ZFAT: variants seen among roughly 807,000 people sequenced by gnomAD.
ZFAT encodes zinc finger protein ZFAT.
A neutral mutation model predicts 117.7 loss-of-function variants in ZFAT; 64 were observed. That is an observed-to-expected ratio of 0.54 (90% CI 0.44 to 0.67). The LOEUF (loss-of-function observed/expected upper bound fraction) is 0.67. Ranked by LOEUF, ZFAT falls within the 30% of genes least tolerant of loss-of-function variation. ZFAT has a pLI of 0.00. For synonymous variants in ZFAT, 679 were observed against 615.0 expected (o/e 1.10, Z -1.54); for missense variants, 1,433 against 1,584.5 (o/e 0.90, Z 1.62).
At chr8:134,479,624 A>G (rs1428541400) in intron 15 of ZFAT, among the ~76,000 whole-genome samples, 1 of 152,238 alleles carries the variant, frequency 6.6e-6, no homozygotes, top group African/African-American at 2.4e-5. Flanking sequence ...GGGGCCTGGA[A>G]TTATCTAGCT....
chr8:134,716,180 CACAT>C (rs1307816362), upstream of ZFAT, among the ~76,000 whole-genome samples: 2 of 137,424 alleles, frequency 1.5e-5, no homozygotes, highest in African/African-American at 5.1e-5. Flanking sequence ...CACACACACA[CACAT>C]ATATATATAT....
At chr8:134,648,971 T>C (rs951731432) in intron 2 of ZFAT, among the ~76,000 whole-genome samples, 1 of 152,040 alleles carries the variant, frequency 6.6e-6, no homozygotes, top group Non-Finnish European at 1.5e-5. Flanking sequence ...TGATGCATCC[T>C]GGCATGTAAA....
At position 134,637,487 on chromosome 8, in the gene ZFAT, T is replaced by C. The variant is rs1377167138; in HGVS notation, c.422A>G (p.Asn141Ser). Residue 141 changes from asparagine (N) to serine (S), a missense_variant, in exon 3 of 16, where the codon AAT becomes AGT. By Grantham distance (46) the Asn-to-Ser change is conservative. Coordinates refer to ENST00000377838, the MANE Select transcript of ZFAT (RefSeq NM_020863.4). ...LRKHICIIVLNLGEEEGEAGN... is the reference protein window; with the variant it reads ...LRKHICIIVLSLGEEEGEAGN... ...TGCTTCTCCTTCCTCCTCACCCAAATTCAGCACGATAATGCAGATGTGCTT... is the reference window on the plus strand; with the variant it reads ...TGCTTCTCCTTCCTCCTCACCCAAACTCAGCACGATAATGCAGATGTGCTT... 5 of 1,611,086 alleles carry C rather than the reference T, an allele frequency of 3.1e-6. No homozygotes were observed. The highest frequency in any genetic ancestry group is 4.2e-6 in the Non-Finnish European group (5 of 1,177,312).
intron 8 of ZFAT, 145 bp downstream of exon 8, chr8:134,590,123 G>T: frequency 1.7e-6 from 1 of 605,568 alleles, no homozygotes; most frequent in Non-Finnish European, 2.8e-6. Context: ...TCCCAGCGTC[G>T]AATAAAGATG....
chr8:134,494,646 T>C (rs1470265248), intron 15 of ZFAT, among the ~76,000 whole-genome samples: 1 of 152,210 alleles, frequency 6.6e-6, no homozygotes, highest in Non-Finnish European at 1.5e-5. Flanking sequence ...ACCCAGGTCG[T>C]ATTCCTCCCT....
intron 15 of ZFAT, among the ~76,000 whole-genome samples, chr8:134,488,154 T>G (rs372275601): frequency 6.6e-6 from 1 of 152,226 alleles, no homozygotes; most frequent in African/African-American, 2.4e-5. Flanking sequence ...AGGAGGCACC[T>G]CACGGCCCAG....
At chr8:134,638,424 G>A (rs1830361370) in intron 2 of ZFAT, among the ~76,000 whole-genome samples, 1 of 151,976 alleles carries the variant, frequency 6.6e-6, no homozygotes, top group African/African-American at 2.4e-5. Context: ...GGTGAGCGGG[G>A]GCCAGGCGCG....
intron 7 of ZFAT, chr8:134,599,696 CATA>C: frequency 6.9e-6 from 3 of 437,176 alleles, no homozygotes; most frequent in South Asian, 5.0e-5. Flanking sequence ...CTGTCTGTAG[CATA>C]AAAAGGCATT....
intron 10 of ZFAT, among the ~76,000 whole-genome samples, chr8:134,582,833 T>C (rs1263554662): frequency 6.6e-6 from 1 of 152,204 alleles, no homozygotes; most frequent in Admixed American, 6.5e-5. Flanking sequence ...AGCTATATCA[T>C]CCACTAAATT....
At chr8:134,576,068 AG>A (rs901628378) in intron 10 of ZFAT, among the ~76,000 whole-genome samples, 1 of 152,238 alleles carries the variant, frequency 6.6e-6, no homozygotes, top group African/African-American at 2.4e-5. Flanking sequence ...AGCCACATAA[AG>A]GACAGAGCAC....
the ZFAT span, among the ~76,000 whole-genome samples, chr8:134,720,935 G>A: frequency 2.0e-5 from 3 of 152,232 alleles, no homozygotes; most frequent in Non-Finnish European, 2.9e-5. Flanking sequence ...GTAGGGTCGG[G>A]AGGGCATGAA....
At chr8:134,818,432 G>C in the ZFAT span, among the ~76,000 whole-genome samples, 1 of 152,140 alleles carries the variant, frequency 6.6e-6, no homozygotes, top group East Asian at 1.9e-4. Context: ...TCACTAATTA[G>C]AATGGCAATA....
the ZFAT span, among the ~76,000 whole-genome samples, chr8:134,780,946 T>C: frequency 3.3e-5 from 5 of 152,222 alleles, no homozygotes; most frequent in Non-Finnish European, 7.4e-5. Context: ...CGCATGAGTG[T>C]CATCACAGTC....
chr8:134,777,638 C>T, the ZFAT span, among the ~76,000 whole-genome samples: 3 of 152,198 alleles, frequency 2.0e-5, no homozygotes, highest in African/African-American at 7.2e-5. Context: ...TTCTCTGCCT[C>T]ATATAGGGGA....
At position 134,601,961 on chromosome 8, in the gene ZFAT, G is replaced by A; in HGVS notation, c.1758C>T (p.Asp586=). The A allele has an allele frequency of 1.9e-6, 3 of 1,614,002 alleles. No homozygotes were observed. The highest frequency in any genetic ancestry group is 1.3e-5 in the African/African-American group (1 of 75,072). Residue 586 remains aspartate, a synonymous_variant, in exon 6 of 16, where the codon GAC becomes GAT. Coordinates refer to ENST00000377838, the MANE Select transcript of ZFAT (RefSeq NM_020863.4). The stretch of plus-strand genomic sequence containing the variant: ...CTGAAACCACCTCTTGAGAATGCAG[G>A]TCTGAGGAGGAGACCACGGTGGTTT... The part of the protein sequence containing the change: ...ELETTVVSSS[D]LHSQEVVSDD...
chr8:134,785,064 T>C, the ZFAT span: 2 of 152,224 alleles, frequency 1.3e-5, no homozygotes, highest in Non-Finnish European at 2.9e-5. Flanking sequence ...TTTACTAAAG[T>C]ATGAATTATT....
At chr8:134,692,685 A>G (rs1389276382) in intron 1 of ZFAT, among the ~76,000 whole-genome samples, 1 of 152,274 alleles carries the variant, frequency 6.6e-6, no homozygotes, top group Non-Finnish European at 1.5e-5. Context: ...ATGAATAACC[A>G]TAATTGCACT....
rs1827596067 is a variant in ZFAT, at chr8:134,602,681, C to T, written c.1038G>A (p.Glu346=). 6.2e-7 allele frequency: 1 copy of T among 1,614,230 alleles called. No homozygotes were observed. The highest frequency in any genetic ancestry group is 8.5e-7 in the Non-Finnish European group (1 of 1,180,040). Residue 346 remains glutamate, a synonymous_variant, in exon 6 of 16, where the codon GAG becomes GAA. Transcript: ENST00000377838. The part of the protein sequence containing the change: ...LSKGHLKVHI[E]RVHKKIKQHC... ...GCTGCTTGATCTTCTTGTGCACTCG[C>T]TCGATGTGCACCTTGAGGTGGCCCT...
chr8:134,556,901 T>A (rs1309067057), intron 11 of ZFAT, among the ~76,000 whole-genome samples: 1 of 152,064 alleles, frequency 6.6e-6, no homozygotes. Flanking sequence ...TATTTACCCT[T>A]TTAAAAATAT....
Sources: gnomAD v4.1 joint callset for allele counts (sites outside exome capture counted in the v4.1 genomes callset) on GRCh38, gnomAD v4.1.1 for gene constraint, MANE v1.5 for transcripts, NCBI Gene and HGNC (gene_info 2026-07-23, HGNC 2026-07-21) for gene names.